LSAMP: variants seen among roughly 807,000 people sequenced by gnomAD.
LSAMP encodes the protein limbic system associated membrane protein.
LSAMP carries 7 observed loss-of-function variants against 38.6 expected under a neutral mutation model. The ratio of observed to expected loss-of-function variants is 0.18; its 90% CI spans 0.10 to 0.34. LSAMP has a LOEUF of 0.34. LSAMP is among the 10% of genes least tolerant of loss of function. LSAMP has a pLI of 1.00. For synonymous variants in LSAMP, 154 were observed against 166.8 expected (o/e 0.92, Z 0.59); for missense variants, 313 against 420.0 (o/e 0.75, Z 2.23).
chr3:116,376,274 CTATT>C (rs1459533828), intron 1 of LSAMP, among the ~76,000 whole-genome samples: 1 of 151,982 alleles, frequency 6.6e-6, no homozygotes, highest in Non-Finnish European at 1.5e-5. Flanking sequence ...AATCTTGCAT[CTATT>C]TATCTATTTC....
intron 1 of LSAMP, among the ~76,000 whole-genome samples, chr3:116,232,490 G>T (rs2046411901): frequency 6.6e-6 from 1 of 151,998 alleles, no homozygotes; most frequent in Non-Finnish European, 1.5e-5. Context: ...TGTTCACTTG[G>T]TCCATTCAGT....
chr3:116,139,616 A>G (rs1360138288), intron 1 of LSAMP, among the ~76,000 whole-genome samples: 1 of 152,006 alleles, frequency 6.6e-6, no homozygotes, highest in Non-Finnish European at 1.5e-5. Context: ...GATTCATTGC[A>G]AGTTGTATTG....
chr3:115,998,381 G>A (rs530305134), intron 3 of LSAMP, among the ~76,000 whole-genome samples: 20 of 152,106 alleles, frequency 1.3e-4, no homozygotes, highest in Non-Finnish European at 2.5e-4. Context: ...ACCAGTGGGT[G>A]GATTGCTGAA....
intron 2 of LSAMP, among the ~76,000 whole-genome samples, chr3:116,074,844 C>CTT (rs1161460100): frequency 7.8e-5 from 10 of 128,398 alleles, no homozygotes; most frequent in East Asian, 2.1e-4. Context: ...TTTCTTTATT[C>CTT]TTTTTTTTTT....
intron 1 of LSAMP, among the ~76,000 whole-genome samples, chr3:116,433,759 C>G (rs1225322845): frequency 6.6e-6 from 1 of 152,042 alleles, no homozygotes; most frequent in African/African-American, 2.4e-5. Context: ...CACAGTCACC[C>G]CTAGAGGGAG....
At chr3:115,985,833 C>G (rs1297020319) in intron 3 of LSAMP, among the ~76,000 whole-genome samples, 1 of 152,160 alleles carries the variant, frequency 6.6e-6, no homozygotes, top group Non-Finnish European at 1.5e-5. Context: ...AGACTGTAGC[C>G]ACAGCTGACG....
chr3:116,340,413 C>T (rs1316344385), intron 1 of LSAMP, among the ~76,000 whole-genome samples: 1 of 125,390 alleles, frequency 8.0e-6, no homozygotes, highest in African/African-American at 3.0e-5. Context: ...AGTTATTACC[C>T]CTTATAATTG....
chr3:116,162,813 C>T (rs893321259), intron 1 of LSAMP, among the ~76,000 whole-genome samples: 3 of 145,140 alleles, frequency 2.1e-5, no homozygotes, highest in Non-Finnish European at 3.0e-5. Context: ...CTTTCCAAGG[C>T]AGTAATGTTC....
intron 1 of LSAMP, among the ~76,000 whole-genome samples, chr3:116,091,320 A>G (rs1258673521): frequency 2.0e-5 from 3 of 152,202 alleles, no homozygotes; most frequent in African/African-American, 7.2e-5. Context: ...CACATTTCAT[A>G]TTGCTCAAAC....
intron 1 of LSAMP, among the ~76,000 whole-genome samples, chr3:116,137,996 A>G (rs1216026274): frequency 1.3e-5 from 2 of 152,160 alleles, no homozygotes; most frequent in African/African-American, 2.4e-5. Flanking sequence ...AGCCTAATAC[A>G]AGAATAGGAC....
intron 1 of LSAMP, among the ~76,000 whole-genome samples, chr3:116,293,579 G>A (rs1041844220): frequency 6.6e-6 from 1 of 152,016 alleles, no homozygotes; most frequent in African/African-American, 2.4e-5. Context: ...TAATTGAGAT[G>A]AGATTTATTA....
chr3:116,149,216 T>C (rs1430626511), intron 1 of LSAMP, among the ~76,000 whole-genome samples: 1 of 151,818 alleles, frequency 6.6e-6, no homozygotes, highest in Non-Finnish European at 1.5e-5. Context: ...ATAGTTAGAT[T>C]TTCACTAGAA....
At chr3:115,953,316 T>TATGTATGCA (rs1938350419) in intron 3 of LSAMP, among the ~76,000 whole-genome samples, 1 of 152,062 alleles carries the variant, frequency 6.6e-6, no homozygotes, top group Non-Finnish European at 1.5e-5. Flanking sequence ...GTCATGAATG[T>TATGTATGCA]ATGTATGCAG....
Position 115,808,219 on chromosome 3 carries a change from A to G in LSAMP, c.*2098T>C, listed in dbSNP as rs1933690798. 1 of 143,892 alleles carries G rather than the reference A, an allele frequency of 6.9e-6. No individual in the cohort carries two copies. Among genetic ancestry groups the G allele is most frequent in the Admixed American group, 7.2e-5 (1 of 13,958 alleles). 8.9% of individuals were successfully genotyped at this position (143,892 alleles called of 1,614,324 possible). On this transcript the variant is annotated 3_prime_UTR_variant, in exon 7 of 7. Transcript: ENST00000490035. ...TTCCTTCTTTCCTTTCTTTTTTTCC[A>G]GTTACAAAGTTTCTCATTTTATAAC...
chr3:116,310,417 G>T (rs928183083), intron 1 of LSAMP, among the ~76,000 whole-genome samples: 1 of 152,136 alleles, frequency 6.6e-6, no homozygotes, highest in South Asian at 2.1e-4. Context: ...GAGATCCTTG[G>T]CTTCTCAATT....
chr3:116,406,231 G>GTA (rs2048895926), intron 1 of LSAMP, among the ~76,000 whole-genome samples: 1 of 152,012 alleles, frequency 6.6e-6, no homozygotes, highest in South Asian at 2.1e-4. Flanking sequence ...AGCAGTACAG[G>GTA]CCACAACCAC....
At chr3:116,410,838 A>T (rs796505970) in intron 1 of LSAMP, among the ~76,000 whole-genome samples, 22 of 152,172 alleles carry the variant, frequency 1.4e-4, no homozygotes, top group African/African-American at 5.3e-4. Context: ...TAAGCAGAAA[A>T]TGTTACATAA....
At chr3:116,039,039 A>G (rs1419843415) in intron 2 of LSAMP, among the ~76,000 whole-genome samples, 10 of 152,186 alleles carry the variant, frequency 6.6e-5, no homozygotes, top group East Asian at 3.9e-4. Flanking sequence ...AGTGTTTGCA[A>G]TAGCCTATAT....
In LSAMP at chr3:115,855,002, C is replaced by T. The variant is rs373540802; in HGVS notation, c.515-2385G>A. Among the ~76,000 whole-genome samples, 49 of 152,232 alleles carry T rather than the reference C, an allele frequency of 3.2e-4. 1 individual carries two copies. Among genetic ancestry groups the T allele is most frequent in the African/African-American group, 1.1e-3 (44 of 41,550 alleles). On this transcript the variant is annotated intron_variant, in intron 3 of 6. Transcript: ENST00000490035. Reference sequence around the variant, plus strand: ...ATTTCTTCTCATACTGCATATCCCCCACCCATAATCTTAATCTTGGTTGGG... The same window carrying T: ...ATTTCTTCTCATACTGCATATCCCCTACCCATAATCTTAATCTTGGTTGGG...
Sources: gnomAD v4.1 joint callset for allele counts (sites outside exome capture counted in the v4.1 genomes callset) on GRCh38, gnomAD v4.1.1 for gene constraint, MANE v1.5 for transcripts, NCBI Gene and HGNC (gene_info 2026-07-23, HGNC 2026-07-21) for gene names.